The following IL4I1 variants were observed in gnomAD, a reference collection of about 807,000 sequenced individuals.
The protein encoded by IL4I1 is L-amino-acid oxidase.
A neutral mutation model predicts 29.7 loss-of-function variants in IL4I1; 24 were observed. That is an observed-to-expected ratio of 0.81 (90% confidence interval 0.59 to 1.14). The LOEUF is 1.14. IL4I1 is among the 50% of genes most tolerant of loss of function. The probability of loss-of-function intolerance (pLI) is 0.00; values close to 1 mark genes in which losing one functional copy is unlikely to be tolerated. For missense variants in IL4I1, 686 were observed against 785.6 expected (o/e 0.87, Z 1.52); for synonymous variants, 371 against 352.5 (o/e 1.05, Z -0.59).
At chr19:49,909,611 G>A (rs1299848741) in intron 2 of IL4I1, 1 of 1,613,312 alleles carries the variant, frequency 6.2e-7, no homozygotes, top group East Asian at 2.2e-5. Flanking sequence ...TGTGGCCGGA[G>A]TCTGGGTGGC....
At chr19:49,905,472 C>T (rs1394012349) in intron 2 of IL4I1, among the ~76,000 whole-genome samples, 5 of 152,230 alleles carry the variant, frequency 3.3e-5, no homozygotes, top group Non-Finnish European at 5.9e-5. Context: ...CTGTAGGTGA[C>T]AGCTTTCAGA....
chr19:49,895,628 CCT>C (rs1355123300), intron 3 of IL4I1, among the ~76,000 whole-genome samples, 185 bp downstream of exon 3: 1 of 152,136 alleles, frequency 6.6e-6, no homozygotes, highest in Non-Finnish European at 1.5e-5. Context: ...AAGTCTGGGG[CCT>C]CTCAGTGGAG....
intron 2 of IL4I1, among the ~76,000 whole-genome samples, chr19:49,927,514 A>C (rs1163435770): frequency 6.6e-6 from 1 of 152,178 alleles, no homozygotes; most frequent in South Asian, 2.1e-4. Context: ...CTATGCTCTT[A>C]GCTGCTACTC....
intron 4 of IL4I1, 24 bp downstream of exon 4, chr19:49,895,044 C>T (rs763209183): frequency 8.8e-6 from 14 of 1,585,838 alleles, no homozygotes; most frequent in Non-Finnish European, 1.1e-5. Flanking sequence ...TCTAGGCACA[C>T]AGGTGGGTGG....
intron 2 of IL4I1, among the ~76,000 whole-genome samples, chr19:49,913,629 C>T (rs1426941825): frequency 1.3e-5 from 2 of 152,206 alleles, no homozygotes; most frequent in African/African-American, 4.8e-5. Flanking sequence ...GCTGGAAGCT[C>T]GTGCCTGGTC....
In IL4I1 at chr19:49,890,316, G is replaced by C. The variant is rs765504425; in HGVS notation, c.1058C>G (p.Thr353Ser). 4 of 1,607,312 alleles carry C rather than the reference G, an allele frequency of 2.5e-6. No homozygotes were observed. The highest frequency in any genetic ancestry group is 3.4e-6 in the Non-Finnish European group (4 of 1,177,798). Reference sequence around the variant, plus strand: ...CCTGCGGAAGCTTAGGAACACCTTGGTGGCCGGCACGTAGTGCAGCCTCCG... The same window carrying C: ...CCTGCGGAAGCTTAGGAACACCTTGCTGGCCGGCACGTAGTGCAGCCTCCG... The part of the protein sequence containing the change: ...ALRRLHYVPA[T>S]KVFLSFRRPF... The change falls in exon 8 of 8, where the codon ACC (threonine) becomes AGC (serine). Residue 353 changes from threonine (T) to serine (S), a missense_variant. Physicochemically the swap from Thr to Ser is moderately conservative, Grantham distance 58. Transcript: ENST00000391826.
At chr19:49,901,627 G>A, upstream of IL4I1, 1 of 1,493,752 alleles carries the variant, frequency 6.7e-7, no homozygotes, top group African/African-American at 1.4e-5. Flanking sequence ...GGCCCCGGGT[G>A]GGGGCACTCA....
At chr19:49,924,904 T>C (rs2075849527) in intron 2 of IL4I1, among the ~76,000 whole-genome samples, 3 of 152,194 alleles carry the variant, frequency 2.0e-5, no homozygotes. Flanking sequence ...CAGACACCTC[T>C]GCAGCCAGCA....
intron 2 of IL4I1, among the ~76,000 whole-genome samples, chr19:49,906,162 CT>C (rs2075320279): frequency 1.3e-5 from 2 of 152,154 alleles, no homozygotes; most frequent in African/African-American, 4.8e-5. Context: ...CCCATGACAT[CT>C]GTAACCACTG....
At chr19:49,917,742 CAG>C (rs1016927851) in intron 2 of IL4I1, 2 of 152,216 alleles carry the variant, frequency 1.3e-5, no homozygotes, top group Admixed American at 1.3e-4. Context: ...TGGTAGAAAA[CAG>C]AGTGGGCCAG....
chr19:49,895,322 T>C (rs2075192743), intron 3 of IL4I1, 142 bp from the exon 4 acceptor site: 2 of 608,380 alleles, frequency 3.3e-6, no homozygotes, highest in Admixed American at 3.0e-5. Context: ...TCCCCTTCTG[T>C]ATGGAGGTGG....
chr19:49,913,468 G>A (rs1368039796), intron 2 of IL4I1, among the ~76,000 whole-genome samples: 3 of 152,326 alleles, frequency 2.0e-5, no homozygotes, highest in South Asian at 2.1e-4. Flanking sequence ...GACCTCTGGA[G>A]GGGCTGGAGT....
At chr19:49,908,936 G>T in intron 2 of IL4I1, 1 of 1,608,632 alleles carries the variant, frequency 6.2e-7, no homozygotes. Flanking sequence ...TAAATTCAAG[G>T]CAAAGCCGGT....
chr19:49,895,682 A>G (rs1290751), intron 3 of IL4I1, 133 bp downstream of exon 3: 302,409 of 683,428 alleles, frequency 0.44, 79,274 homozygotes, highest in African/African-American at 0.69. Context: ...CCCAGACTAC[A>G]GGGAAAGATA....
intron 4 of IL4I1, 25 bp downstream of exon 4, chr19:49,895,043 A>C: frequency 6.3e-7 from 1 of 1,583,942 alleles, no homozygotes. Flanking sequence ...GTCTAGGCAC[A>C]CAGGTGGGTG....
upstream of IL4I1, chr19:49,901,718 G>C: frequency 6.5e-7 from 1 of 1,527,756 alleles, no homozygotes; most frequent in South Asian, 1.3e-5. Context: ...CGTTGGGCAT[G>C]TGCGGAATCA....
intron 2 of IL4I1, chr19:49,910,915 T>C (rs761663686): frequency 2.0e-5 from 3 of 152,144 alleles, no homozygotes; most frequent in African/African-American, 7.2e-5. Context: ...TGGTTTCTTT[T>C]TCTTTTGGGA....
rs960863248 is a variant in IL4I1 at position 49,918,215 on chromosome 19, G to A, written c.-228+9479C>T. 4.0e-5 allele frequency among the ~76,000 whole-genome samples: 6 copies of A among 151,888 alleles called. No individual in the cohort carries two copies. In the East Asian group the frequency reaches 1.2e-3, roughly 29 times the overall value. On this transcript the variant is annotated intron_variant, in intron 2 of 9. Transcript: ENST00000341114. ...CCGTTAGCTGGGACTACAGGCATAC[G>A]CCGCCATGCCCAGCTAATATTCGAT... is the stretch of plus-strand genomic sequence containing the variant.
intron 2 of IL4I1, among the ~76,000 whole-genome samples, chr19:49,925,963 C>G (rs2075876294): frequency 6.6e-6 from 1 of 152,088 alleles, no homozygotes; most frequent in Non-Finnish European, 1.5e-5. Flanking sequence ...GTAATCCCAG[C>G]ACTTTGGGAG....
Sources: gnomAD v4.1 joint callset for allele counts (sites outside exome capture counted in the v4.1 genomes callset) on GRCh38, gnomAD v4.1.1 for gene constraint, MANE v1.5 for transcripts, NCBI Gene and HGNC (gene_info 2026-07-23, HGNC 2026-07-21) for gene names.